Variants in NTRK3 observed in about 807,000 individuals in gnomAD.
The protein encoded by NTRK3 is NT-3 growth factor receptor.
Under a neutral mutation model 91.7 loss-of-function variants are expected in NTRK3, and 24 were observed. The observed-to-expected ratio is 0.26, with a 90% CI of 0.19 to 0.37. The LOEUF is 0.37. Among genes scored for constraint, NTRK3 ranks in the 10% least tolerant of loss-of-function variants. NTRK3 has a pLI of 1.00. For missense variants in NTRK3, 880 were observed against 1,068.9 expected (o/e 0.82, Z 2.46); for synonymous variants, 483 against 404.0 (o/e 1.20, Z -2.34).
intron 17 of NTRK3, among the ~76,000 whole-genome samples, chr15:87,918,222 C>A (rs1258949679): frequency 6.6e-6 from 1 of 152,144 alleles, no homozygotes; most frequent in Non-Finnish European, 1.5e-5. Flanking sequence ...TAGTTTCCAG[C>A]AATCTATCCC....
At position 88,013,066 on chromosome 15, in the gene NTRK3, GA is replaced by G. The variant is rs1204812021; in HGVS notation, c.1585+19790del. Among the ~76,000 whole-genome samples, 28 of 139,754 alleles carry G rather than the reference GA, an allele frequency of 2.0e-4. 1 individual carries two copies. Among genetic ancestry groups the G allele is most frequent in the African/African-American group, 6.4e-4 (24 of 37,256 alleles). 91.7% of individuals were successfully genotyped at this position (139,754 alleles called of 152,430 possible). A position where few individuals can be genotyped will look rare whatever the true frequency, so the allele number is the denominator to read the frequency against. ...GCAGCTGAAACCGTGCACTGGTAAA[GA>G]CCCACTACCAGCAGCTGAAACCGTG... On this transcript the variant is annotated intron_variant, in intron 14 of 18. Coordinates refer to ENST00000394480, the Ensembl canonical transcript of NTRK3.
chr15:88,022,305 G>A (rs1474922884), intron 14 of NTRK3, among the ~76,000 whole-genome samples: 1 of 152,066 alleles, frequency 6.6e-6, no homozygotes, highest in Non-Finnish European at 1.5e-5. Context: ...GACAGGAGAA[G>A]CACCAAAAAA....
intron 3 of NTRK3, among the ~76,000 whole-genome samples, chr15:88,200,626 A>C (rs2048223361): frequency 6.6e-6 from 1 of 152,190 alleles, no homozygotes; most frequent in Non-Finnish European, 1.5e-5. Flanking sequence ...TCCTGCCACC[A>C]TGTGAAGAAG....
At chr15:88,212,318 C>A (rs1034111560) in intron 3 of NTRK3, among the ~76,000 whole-genome samples, 1 of 152,014 alleles carries the variant, frequency 6.6e-6, no homozygotes, top group Non-Finnish European at 1.5e-5. Context: ...TGCAGTGAGC[C>A]GAGATCGCGC....
In NTRK3 at chr15:88,240,281, A is replaced by G. The variant is rs1371344164; in HGVS notation, c.248+15625T>C. Among the ~76,000 whole-genome samples, 1 of 152,128 alleles carries G rather than the reference A, an allele frequency of 6.6e-6. No individual in the cohort carries two copies. Among genetic ancestry groups the G allele is most frequent in the East Asian group, 1.9e-4 (1 of 5,184 alleles). Reference sequence around the variant, plus strand: ...CTAGTCCAGCCCCCTGATTTTAAATATAAGAAAACTGAGACCTTAGAGACA... The same window carrying G: ...CTAGTCCAGCCCCCTGATTTTAAATGTAAGAAAACTGAGACCTTAGAGACA... On this transcript the variant is annotated intron_variant, in intron 3 of 18. Transcript: ENST00000394480. This position sits in a 1 kb window ranked among gnomAD's most constrained non-coding sequence, Gnocchi z 4.9.
At chr15:87,966,443 GT>G (rs1009739713) in intron 14 of NTRK3, among the ~76,000 whole-genome samples, 5 of 152,196 alleles carry the variant, frequency 3.3e-5, no homozygotes, top group Non-Finnish European at 7.3e-5. Flanking sequence ...CCCCTGGCCT[GT>G]TCCCTTCTCT....
chr15:87,876,775 T>C (rs1471857602), exon 19 of NTRK3: 7 of 710,250 alleles, frequency 9.9e-6, no homozygotes, highest in Admixed American at 2.9e-5. Flanking sequence ...TTTTCTTTCT[T>C]TTTTTTTCCT....
At chr15:88,031,957 CCTGT>C (rs2078576321) in intron 14 of NTRK3, among the ~76,000 whole-genome samples, 1 of 152,162 alleles carries the variant, frequency 6.6e-6, no homozygotes, top group Non-Finnish European at 1.5e-5. Context: ...CCTCGGTATT[CCTGT>C]CTGTAAGGTG....
At chr15:88,194,847 C>T (rs1277480432) in intron 3 of NTRK3, among the ~76,000 whole-genome samples, 1 of 152,172 alleles carries the variant, frequency 6.6e-6, no homozygotes, top group Non-Finnish European at 1.5e-5. Flanking sequence ...TCTTTATTCA[C>T]TTGACTTCAG....
intron 10 of NTRK3, chr15:88,131,978 G>A (rs1019453447): frequency 4.9e-6 from 1 of 202,788 alleles, no homozygotes; most frequent in Non-Finnish European, 1.0e-5. Flanking sequence ...GCCATGAAGG[G>A]AATACACATG....
At chr15:88,250,506 C>G (rs747597617) in intron 3 of NTRK3, among the ~76,000 whole-genome samples, 2 of 152,216 alleles carry the variant, frequency 1.3e-5, no homozygotes, top group Non-Finnish European at 2.9e-5. Flanking sequence ...CCAGTAGGCA[C>G]TAGACCATCG....
At chr15:87,919,462 C>T (rs1437448544) in intron 17 of NTRK3, among the ~76,000 whole-genome samples, 1 of 152,156 alleles carries the variant, frequency 6.6e-6, no homozygotes, top group Non-Finnish European at 1.5e-5. Context: ...CGGAGTGTCC[C>T]AGGGTGGAAA....
intron 5 of NTRK3, among the ~76,000 whole-genome samples, chr15:88,152,230 G>A (rs1169743043): frequency 6.6e-6 from 1 of 152,152 alleles, no homozygotes; most frequent in Non-Finnish European, 1.5e-5. Flanking sequence ...GAACCCAGGA[G>A]GTGGAAGTTG....
At chr15:88,035,686 G>T (rs1345048176) in intron 13 of NTRK3, among the ~76,000 whole-genome samples, 1 of 152,122 alleles carries the variant, frequency 6.6e-6, no homozygotes, top group Non-Finnish European at 1.5e-5. Flanking sequence ...CTTCAGCAAA[G>T]CTCCGGCATG....
chr15:88,050,763 A>G (rs778238754), intron 13 of NTRK3, among the ~76,000 whole-genome samples: 3 of 152,154 alleles, frequency 2.0e-5, no homozygotes, highest in Non-Finnish European at 4.4e-5. Flanking sequence ...CATTTTACAG[A>G]CAAAGAAATT....
At chr15:87,979,859 G>T (rs990724461) in intron 14 of NTRK3, among the ~76,000 whole-genome samples, 1 of 152,106 alleles carries the variant, frequency 6.6e-6, no homozygotes, top group East Asian at 1.9e-4. Context: ...TCACTTAGGG[G>T]CTAAGGGATG....
At chr15:87,951,513 G>A (rs1159871102) in intron 14 of NTRK3, among the ~76,000 whole-genome samples, 1 of 152,178 alleles carries the variant, frequency 6.6e-6, no homozygotes, top group Non-Finnish European at 1.5e-5. Flanking sequence ...CCAGGTTCCA[G>A]AAGAAAAGCT....
intron 13 of NTRK3, among the ~76,000 whole-genome samples, chr15:88,081,488 T>C: frequency 6.6e-6 from 1 of 152,316 alleles, no homozygotes; most frequent in South Asian, 2.1e-4. Context: ...TCATTCCATC[T>C]CTTCAAGCAA....
At chr15:88,038,808 GCCAGGTTGAGAA>G (rs2142099890) in intron 13 of NTRK3, among the ~76,000 whole-genome samples, 2 of 151,564 alleles carry the variant, frequency 1.3e-5, no homozygotes, top group African/African-American at 4.8e-5. Context: ...ACGGAGCTGT[GCCAGGTTGAGAA>G]CCACTGAGAG....
Sources: allele counts gnomAD v4.1 joint callset (sites outside exome capture counted in the v4.1 genomes callset), GRCh38; gene constraint gnomAD v4.1.1; non-coding constraint Gnocchi (gnomAD v3.1); transcripts MANE v1.5; gene names NCBI Gene and HGNC (gene_info 2026-07-23, HGNC 2026-07-21).